IQCJ: variants seen among roughly 807,000 people sequenced by gnomAD.
IQCJ encodes IQ domain-containing protein J.
A neutral mutation model predicts 11.0 loss-of-function variants in IQCJ; 9 were observed. The observed-to-expected ratio is 0.82, with a 90% CI of 0.49 to 1.43. The LOEUF (loss-of-function observed/expected upper bound fraction) is 1.43, where lower values mean the gene tolerates loss of function less well. IQCJ is among the 40% of genes most tolerant of loss of function. The pLI is 0.00. For missense variants in IQCJ, 146 were observed against 133.2 expected, an observed-to-expected ratio of 1.10 and a Z score of -0.47; for synonymous variants, 55 against 51.3, an observed-to-expected ratio of 1.07 and a Z score of -0.31.
At chr3:159,211,028 G>A (rs1724924809) in intron 1 of IQCJ, among the ~76,000 whole-genome samples, 1 of 152,172 alleles carries the variant, frequency 6.6e-6, no homozygotes, top group South Asian at 2.1e-4. Context: ...ATTTGTGTTA[G>A]GTAAGTGCAA....
chr3:159,174,912 A>T lies in IQCJ; in HGVS notation c.10-70931A>T, dbSNP rs75870553. Among the ~76,000 whole-genome samples the T allele has an allele frequency of 2.3e-3, 345 of 152,274 alleles. 3 individuals are homozygous for T. Among genetic ancestry groups the T allele is most frequent in the African/African-American group, 8.0e-3 (331 of 41,558 alleles). On this transcript the variant is annotated intron_variant, in intron 1 of 3. Coordinates refer to ENST00000397832, the MANE Select transcript of IQCJ (RefSeq NM_001042706.3). ...TCTCAAGACAACGTATTTGAAATAG[A>T]ATTGCTGAGTCATAAGCTGTGAACA...
At chr3:159,170,442 G>T (rs1722426185) in intron 1 of IQCJ, among the ~76,000 whole-genome samples, 1 of 152,142 alleles carries the variant, frequency 6.6e-6, no homozygotes, top group Non-Finnish European at 1.5e-5. Flanking sequence ...AATTGGGGCA[G>T]TTCTAAAAAG....
At chr3:159,075,775 G>A (rs1014745004) in intron 1 of IQCJ, among the ~76,000 whole-genome samples, 4 of 152,100 alleles carry the variant, frequency 2.6e-5, no homozygotes, top group Non-Finnish European at 5.9e-5. Context: ...AGATGAATGA[G>A]GCAGGCACTG....
At chr3:159,261,413 T>TA (rs1178293506) in intron 3 of IQCJ, among the ~76,000 whole-genome samples, 3 of 152,218 alleles carry the variant, frequency 2.0e-5, no homozygotes, top group African/African-American at 7.2e-5. Context: ...TCTGTGTCCC[T>TA]ACCCAAATCT....
chr3:159,233,527 A>G (rs1480563949), intron 1 of IQCJ, among the ~76,000 whole-genome samples: 1 of 152,200 alleles, frequency 6.6e-6, no homozygotes, highest in Non-Finnish European at 1.5e-5. Flanking sequence ...AATAATAAAA[A>G]TCTGTGTGAT....
chr3:159,110,064 G>C (rs1432476299), intron 1 of IQCJ, among the ~76,000 whole-genome samples: 1 of 152,108 alleles, frequency 6.6e-6, no homozygotes, highest in Non-Finnish European at 1.5e-5. Context: ...TCAACTTCAT[G>C]CTTTAGCAAT....
chr3:159,091,189 A>T (rs1717251146), intron 1 of IQCJ, among the ~76,000 whole-genome samples: 1 of 151,828 alleles, frequency 6.6e-6, no homozygotes, highest in African/African-American at 2.4e-5. Flanking sequence ...GATGAAATGC[A>T]TGAATACAGG....
At chr3:159,220,193 A>G (rs1725458082) in intron 1 of IQCJ, among the ~76,000 whole-genome samples, 1 of 152,172 alleles carries the variant, frequency 6.6e-6, no homozygotes, top group Non-Finnish European at 1.5e-5. Flanking sequence ...TTATGGGGAT[A>G]CAGTCAAGCA....
intron 2 of IQCJ, among the ~76,000 whole-genome samples, chr3:159,246,337 T>C (rs2108197637): frequency 6.6e-6 from 1 of 152,264 alleles, no homozygotes; most frequent in African/African-American, 2.4e-5. Flanking sequence ...AGAGATGAAA[T>C]TGAACAGAGA....
chr3:159,189,898 C>T (rs1164249441), intron 1 of IQCJ, among the ~76,000 whole-genome samples: 2 of 152,178 alleles, frequency 1.3e-5, no homozygotes, highest in Admixed American at 6.5e-5. Context: ...TCTCTCCCTC[C>T]TCAAGTCTGC....
chr3:159,194,830 C>T (rs759788355), intron 1 of IQCJ, among the ~76,000 whole-genome samples: 8 of 152,092 alleles, frequency 5.3e-5, no homozygotes, highest in Non-Finnish European at 7.4e-5. Flanking sequence ...TTCTGTATCA[C>T]GACTGGGTGT....
chr3:159,188,168 T>TGGGA (rs773457942), intron 1 of IQCJ, among the ~76,000 whole-genome samples: 1 of 152,212 alleles, frequency 6.6e-6, no homozygotes, highest in African/African-American at 2.4e-5. Context: ...CCCAGCACTT[T>TGGGA]GGGAGGTCGA....
intron 1 of IQCJ, among the ~76,000 whole-genome samples, chr3:159,171,257 T>C (rs550715748): frequency 6.6e-6 from 1 of 152,342 alleles, no homozygotes; most frequent in South Asian, 2.1e-4. Flanking sequence ...ATCAGTGTTA[T>C]CGATGTACTT....
At chr3:159,121,738 G>A (rs182592271) in intron 1 of IQCJ, among the ~76,000 whole-genome samples, 9 of 152,280 alleles carry the variant, frequency 5.9e-5, no homozygotes, top group Admixed American at 5.9e-4. Flanking sequence ...ATGAGAGCTA[G>A]CATTTAAAGC....
intron 2 of IQCJ, among the ~76,000 whole-genome samples, chr3:159,248,566 G>A (rs529123155): frequency 1.7e-4 from 26 of 152,154 alleles, no homozygotes; most frequent in Non-Finnish European, 2.5e-4. Context: ...CACCTTGGCT[G>A]CACTTAGAAT....
intron 1 of IQCJ, among the ~76,000 whole-genome samples, chr3:159,206,764 AAGTC>A (rs1199664769): frequency 2.0e-5 from 3 of 152,066 alleles, no homozygotes; most frequent in African/African-American, 4.8e-5. Context: ...CTTTTCCTGT[AAGTC>A]AGTCAGTCAG....
At chr3:159,228,199 C>A (rs1258283795) in intron 1 of IQCJ, among the ~76,000 whole-genome samples, 2 of 152,136 alleles carry the variant, frequency 1.3e-5, no homozygotes, top group Non-Finnish European at 2.9e-5. Flanking sequence ...GATTACATGT[C>A]TAAAAGATGT....
At chr3:159,204,679 T>TGTC (rs151295586) in intron 1 of IQCJ, among the ~76,000 whole-genome samples, 70 of 152,326 alleles carry the variant, frequency 4.6e-4, no homozygotes, top group African/African-American at 1.6e-3. Context: ...ATGAGAGAAG[T>TGTC]GTCAAAGAAT....
At chr3:159,246,943 A>T (rs1727309035) in intron 2 of IQCJ, among the ~76,000 whole-genome samples, 1 of 152,152 alleles carries the variant, frequency 6.6e-6, no homozygotes, top group African/African-American at 2.4e-5. Context: ...CCCCAAACAG[A>T]ATGAACTTTG....
Sources: allele counts gnomAD v4.1 joint callset (sites outside exome capture counted in the v4.1 genomes callset), GRCh38; gene constraint gnomAD v4.1.1; transcripts MANE v1.5; gene names NCBI Gene and HGNC (gene_info 2026-07-23, HGNC 2026-07-21).